The following KHDRBS2 variants were observed in gnomAD, a reference collection of about 807,000 sequenced individuals.
The protein encoded by KHDRBS2 is KH RNA binding domain containing, signal transduction associated 2, also known as KH domain-containing, RNA-binding, signal transduction-associated protein 2.
Under a neutral mutation model 44.3 loss-of-function variants are expected in KHDRBS2, and 26 were observed. The ratio of observed to expected loss-of-function variants is 0.59; its 90% CI spans 0.43 to 0.81. The LOEUF (loss-of-function observed/expected upper bound fraction) is 0.81, where lower values mean the gene tolerates loss of function less well. Among genes scored for constraint, KHDRBS2 ranks in the 40% least tolerant of loss-of-function variants. The pLI is 0.00. For synonymous variants in KHDRBS2, 194 were observed against 151.1 expected (o/e 1.28, Z -2.08); for missense variants, 476 against 433.1 (o/e 1.10, Z -0.88).
At chr6:62,065,271 T>G (rs369150454) in intron 2 of KHDRBS2, among the ~76,000 whole-genome samples, 3 of 152,138 alleles carry the variant, frequency 2.0e-5, no homozygotes, top group African/African-American at 7.2e-5. Context: ...GACCCAGCCA[T>G]TCCATTACTG....
intron 2 of KHDRBS2, among the ~76,000 whole-genome samples, chr6:62,164,476 G>C (rs1407690608): frequency 6.6e-6 from 1 of 151,674 alleles, no homozygotes; most frequent in Non-Finnish European, 1.5e-5. Flanking sequence ...CATTAGGAAA[G>C]TAACATTAAT....
chr6:61,769,471 C>A (rs188318862), intron 6 of KHDRBS2, among the ~76,000 whole-genome samples: 4 of 152,166 alleles, frequency 2.6e-5, no homozygotes, highest in Non-Finnish European at 5.9e-5. Context: ...CCTAATACTG[C>A]GCTTTTCCAA....
intron 1 of KHDRBS2, among the ~76,000 whole-genome samples, chr6:62,283,265 A>G (rs1389629178): frequency 6.6e-6 from 1 of 152,134 alleles, no homozygotes; most frequent in Admixed American, 6.5e-5. Context: ...CAAACAAGTG[A>G]AATAAAACAA....
chr6:62,234,844 T>C (rs1287729700), intron 1 of KHDRBS2, among the ~76,000 whole-genome samples: 1 of 151,946 alleles, frequency 6.6e-6, no homozygotes, highest in African/African-American at 2.4e-5. Context: ...TTGACAAAGA[T>C]TAAAACTGAG....
chr6:61,976,246 T>C (rs537431637), intron 4 of KHDRBS2, among the ~76,000 whole-genome samples: 1 of 152,218 alleles, frequency 6.6e-6, no homozygotes, highest in Admixed American at 6.5e-5. Context: ...CAAGTAAATA[T>C]TTATTGTGCT....
chr6:62,188,365 G>A (rs1044803807), intron 1 of KHDRBS2, among the ~76,000 whole-genome samples: 1 of 152,050 alleles, frequency 6.6e-6, no homozygotes, highest in African/African-American at 2.4e-5. Flanking sequence ...CCATGCATTT[G>A]ACTATTTTAG....
chr6:61,859,494 A>T (rs186732589), intron 6 of KHDRBS2, among the ~76,000 whole-genome samples: 1 of 152,038 alleles, frequency 6.6e-6, no homozygotes, highest in Non-Finnish European at 1.5e-5. Context: ...TCGCCCATTT[A>T]TATGGGGTTT....
chr6:62,084,538 A>G (rs902768118), intron 2 of KHDRBS2, among the ~76,000 whole-genome samples: 1 of 152,210 alleles, frequency 6.6e-6, no homozygotes, highest in African/African-American at 2.4e-5. Context: ...ATAGATAGCC[A>G]GAGAATTCAG....
In KHDRBS2 at chr6:61,849,632, G is replaced by GT. The variant is rs201486071; in HGVS notation, c.810+45002dup. Reference sequence around the variant, plus strand: ...AAGTAATGTACTTCAGAGAAACAAAGTTTTTTTTTTTTTTCCTAAACTAAA... The same window carrying GT: ...AAGTAATGTACTTCAGAGAAACAAAGTTTTTTTTTTTTTTTCCTAAACTAAA... On this transcript the variant is annotated intron_variant, in intron 6 of 8. Coordinates refer to ENST00000281156, the MANE Select transcript of KHDRBS2 (RefSeq NM_152688.4). 6.7e-3 allele frequency among the ~76,000 whole-genome samples: 960 copies of GT among 144,102 alleles called. 2 individuals carry two copies. The highest frequency in any genetic ancestry group is 0.012 in the African/African-American group (455 of 39,284). 94.5% of individuals were successfully genotyped at this position (144,102 alleles called of 152,430 possible).
At chr6:62,244,577 T>C (rs1334849694) in intron 1 of KHDRBS2, among the ~76,000 whole-genome samples, 2 of 152,170 alleles carry the variant, frequency 1.3e-5, no homozygotes, top group African/African-American at 2.4e-5. Flanking sequence ...TGGAGAAGCA[T>C]AGCTCAGATA....
At chr6:62,015,618 T>A (rs1781071770) in intron 3 of KHDRBS2, among the ~76,000 whole-genome samples, 1 of 152,126 alleles carries the variant, frequency 6.6e-6, no homozygotes, top group African/African-American at 2.4e-5. Context: ...AAAAGCTTTG[T>A]TTCTACTCAC....
chr6:61,609,382 A>G, the KHDRBS2 span, among the ~76,000 whole-genome samples: 1 of 152,186 alleles, frequency 6.6e-6, no homozygotes, highest in South Asian at 2.1e-4. Context: ...ACGACAACAA[A>G]AACATTAAAG....
intron 6 of KHDRBS2, among the ~76,000 whole-genome samples, chr6:61,817,164 T>C (rs1789094846): frequency 6.6e-6 from 1 of 152,156 alleles, no homozygotes; most frequent in Non-Finnish European, 1.5e-5. Flanking sequence ...TCCAAAATGA[T>C]GATTCCATTT....
At chr6:61,597,773 T>TATATATCTATATATAC in the KHDRBS2 span, among the ~76,000 whole-genome samples, 1 of 42,330 alleles carries the variant, frequency 2.4e-5, no homozygotes, top group African/African-American at 8.6e-5. Flanking sequence ...TATATATATA[T>TATATATCTATATATAC]ACACCAAGAT....
chr6:61,691,236 C>T (rs1767362839), intron 8 of KHDRBS2, among the ~76,000 whole-genome samples: 2 of 152,056 alleles, frequency 1.3e-5, no homozygotes, highest in East Asian at 3.9e-4. Flanking sequence ...ATACTTTGAA[C>T]CTAAAATAAG....
At chr6:61,669,550 T>C in the KHDRBS2 span, among the ~76,000 whole-genome samples, 1 of 150,960 alleles carries the variant, frequency 6.6e-6, no homozygotes, top group Non-Finnish European at 1.5e-5. Context: ...TTTAAACATA[T>C]TAATATGTTT....
intron 4 of KHDRBS2, among the ~76,000 whole-genome samples, chr6:61,966,876 A>G (rs544672303): frequency 6.6e-6 from 1 of 151,998 alleles, no homozygotes; most frequent in East Asian, 1.9e-4. Flanking sequence ...TAAACAGTAC[A>G]ATAGTCAGAA....
intron 7 of KHDRBS2, among the ~76,000 whole-genome samples, chr6:61,731,745 C>T (rs1774490928): frequency 6.6e-6 from 1 of 152,008 alleles, no homozygotes. Context: ...TCACTTAACT[C>T]ATAGATCCCC....
At chr6:62,039,281 C>CACACACAA (rs921901307) in intron 3 of KHDRBS2, among the ~76,000 whole-genome samples, 5 of 151,116 alleles carry the variant, frequency 3.3e-5, no homozygotes, top group Admixed American at 6.6e-5. Flanking sequence ...CACACACACA[C>CACACACAA]ACAAACACAC....
Sources: gnomAD v4.1 joint callset for allele counts (sites outside exome capture counted in the v4.1 genomes callset) on GRCh38, gnomAD v4.1.1 for gene constraint, MANE v1.5 for transcripts, NCBI Gene and HGNC (gene_info 2026-07-23, HGNC 2026-07-21) for gene names.